SCNN1B: variants seen among roughly 807,000 people sequenced by gnomAD.
SCNN1B encodes epithelial sodium channel subunit beta.
SCNN1B carries 46 observed loss-of-function variants against 65.3 expected under a neutral mutation model. The observed-to-expected ratio is 0.70, with a 90% CI of 0.56 to 0.90. SCNN1B has a LOEUF of 0.90. Ranked by LOEUF, SCNN1B falls within the 40% of genes least tolerant of loss-of-function variation. SCNN1B has a pLI of 0.00. For synonymous variants in SCNN1B, 349 were observed against 330.6 expected, an observed-to-expected ratio of 1.06 and a Z score of -0.60; for missense variants, 751 against 830.5, an observed-to-expected ratio of 0.90 and a Z score of 1.18.
chr16:23,380,070 G>A lies in SCNN1B; in HGVS notation c.1467-24G>A, dbSNP rs368802497. 612 of 1,590,200 alleles carry A rather than the reference G, an allele frequency of 3.8e-4. 4 individuals carry two copies. The highest frequency in any genetic ancestry group is 1.6e-3 in the South Asian group (149 of 90,512). ...TTTGGAAGGGGGATACATTAGTCCC[G>A]GCCCTTCTCGCTGCCTCCTGCAGGA... is the stretch of plus-strand genomic sequence containing the variant. On this transcript the variant is annotated intron_variant, in intron 11 of 12. Coordinates refer to ENST00000343070, the MANE Select transcript of SCNN1B (RefSeq NM_000336.3). This position sits in a 1 kb window ranked among gnomAD's most constrained non-coding sequence, Gnocchi z 5.4.
chr16:23,345,653 A>T (rs1331312707), intron 1 of SCNN1B, among the ~76,000 whole-genome samples: 3 of 152,176 alleles, frequency 2.0e-5, no homozygotes, highest in Non-Finnish European at 2.9e-5. Flanking sequence ...CTAATGTTCC[A>T]CTTTGAGTCA....
intron 1 of SCNN1B, among the ~76,000 whole-genome samples, chr16:23,304,883 T>A (rs1961161719): frequency 6.6e-6 from 1 of 152,076 alleles, no homozygotes. Context: ...CTCCCCAAAC[T>A]GTTAGGTGGA....
At chr16:23,358,871 C>T (rs1962475145) in intron 4 of SCNN1B, among the ~76,000 whole-genome samples, 1 of 152,256 alleles carries the variant, frequency 6.6e-6, no homozygotes, top group Non-Finnish European at 1.5e-5. Context: ...TGTGCCACTG[C>T]ACTCCCGCCT....
At chr16:23,335,735 C>T (rs1961924216) in intron 1 of SCNN1B, among the ~76,000 whole-genome samples, 1 of 150,670 alleles carries the variant, frequency 6.6e-6, no homozygotes, top group South Asian at 2.2e-4. Flanking sequence ...GTGTGAGCCA[C>T]TGTGCCCGGC....
intron 2 of SCNN1B, among the ~76,000 whole-genome samples, chr16:23,285,566 C>G (rs1161761969): frequency 6.6e-6 from 1 of 152,094 alleles, no homozygotes; most frequent in East Asian, 1.9e-4. Context: ...AGGAGACTCA[C>G]TTGAGCCCGG....
intron 10 of SCNN1B, among the ~76,000 whole-genome samples, chr16:23,377,704 T>C (rs989847084): frequency 2.5e-4 from 19 of 75,122 alleles, no homozygotes; most frequent in Admixed American, 1.2e-3. Context: ...CCTTCCTTCT[T>C]TCCTTTCCTC....
At chr16:23,306,158 G>A (rs113543822) in intron 1 of SCNN1B, among the ~76,000 whole-genome samples, 2 of 151,686 alleles carry the variant, frequency 1.3e-5, no homozygotes, top group Non-Finnish European at 2.9e-5. Context: ...TGGGAGAATC[G>A]CTTGAACCCA....
chr16:23,369,985 C>A (rs983072353), intron 5 of SCNN1B, among the ~76,000 whole-genome samples: 3 of 152,314 alleles, frequency 2.0e-5, no homozygotes, highest in Admixed American at 1.3e-4. Context: ...GGCTGGAGTG[C>A]AGTGGCGCAA....
chr16:23,367,536 G>A (rs144578337), intron 4 of SCNN1B, among the ~76,000 whole-genome samples: 6 of 152,276 alleles, frequency 3.9e-5, no homozygotes, highest in South Asian at 2.1e-4. Flanking sequence ...GGCCTCAAGC[G>A]GTCCTCCCGC....
chr16:23,355,232 G>C, intron 3 of SCNN1B, 67 bp from the exon 4 acceptor site: 1 of 1,520,072 alleles, frequency 6.6e-7, no homozygotes, highest in Non-Finnish European at 9.1e-7. Flanking sequence ...TAGGGCCCTC[G>C]AGCAGTGGCT....
chr16:23,304,713 A>G (rs966715828), intron 1 of SCNN1B, among the ~76,000 whole-genome samples: 36 of 152,260 alleles, frequency 2.4e-4, no homozygotes, highest in African/African-American at 8.4e-4. Context: ...CAGGACCCTT[A>G]AAAGTTTGGT....
intron 1 of SCNN1B, among the ~76,000 whole-genome samples, chr16:23,324,888 T>C (rs983665368): frequency 1.3e-5 from 2 of 152,220 alleles, no homozygotes; most frequent in East Asian, 1.9e-4. Flanking sequence ...GTGCTCACCA[T>C]TGGCACCCCC....
intron 1 of SCNN1B, among the ~76,000 whole-genome samples, chr16:23,318,018 G>A (rs1961508845): frequency 6.6e-6 from 1 of 152,246 alleles, no homozygotes; most frequent in South Asian, 2.1e-4. Flanking sequence ...GCAGCTCAAG[G>A]CAGAGAAAGG....
chr16:23,340,331 G>T (rs1962029887), intron 1 of SCNN1B, among the ~76,000 whole-genome samples: 1 of 152,204 alleles, frequency 6.6e-6, no homozygotes, highest in Non-Finnish European at 1.5e-5. Flanking sequence ...TATGATTCAT[G>T]ATTTTAGTGT....
At chr16:23,301,522 A>G (rs1961084934), upstream of SCNN1B, among the ~76,000 whole-genome samples, 1 of 152,230 alleles carries the variant, frequency 6.6e-6, no homozygotes, top group Non-Finnish European at 1.5e-5. Context: ...AAGACAATCT[A>G]TGGAGAAATA....
At chr16:23,358,384 A>AC (rs1962463384) in intron 4 of SCNN1B, 1 of 152,122 alleles carries the variant, frequency 6.6e-6, no homozygotes, top group Non-Finnish European at 1.5e-5. Context: ...CTGGGGTTAG[A>AC]CCACCTAGAC....
chr16:23,306,334 C>T (rs1322773392), intron 1 of SCNN1B, among the ~76,000 whole-genome samples: 1 of 151,960 alleles, frequency 6.6e-6, no homozygotes, highest in African/African-American at 2.4e-5. Context: ...ATAAATAGCA[C>T]TTGCCTCAAA....
At chr16:23,360,409 C>T (rs1163092910) in intron 4 of SCNN1B, among the ~76,000 whole-genome samples, 2 of 151,550 alleles carry the variant, frequency 1.3e-5, no homozygotes, top group African/African-American at 4.8e-5. Flanking sequence ...ATTAGCCCGG[C>T]GTGGTGGTAC....
At chr16:23,322,188 G>A (rs924897937) in intron 1 of SCNN1B, among the ~76,000 whole-genome samples, 6 of 152,020 alleles carry the variant, frequency 3.9e-5, no homozygotes, top group East Asian at 1.9e-4. Context: ...ATTCATTCCC[G>A]TATTAAGCCC....
Sources: gnomAD v4.1 joint callset for allele counts (sites outside exome capture counted in the v4.1 genomes callset) on GRCh38, gnomAD v4.1.1 for gene constraint, Gnocchi (gnomAD v3.1) non-coding constraint, MANE v1.5 for transcripts, NCBI Gene and HGNC (gene_info 2026-07-23, HGNC 2026-07-21) for gene names.